The following ACOX1 variants were observed in gnomAD, a reference collection of about 807,000 sequenced individuals.
ACOX1 encodes the protein peroxisomal acyl-coenzyme A oxidase 1.
ACOX1 carries 41 observed loss-of-function variants against 75.5 expected under a neutral mutation model. The observed-to-expected ratio is 0.54, with a 90% CI of 0.42 to 0.70. The LOEUF (loss-of-function observed/expected upper bound fraction) is 0.70, where lower values mean the gene tolerates loss of function less well. ACOX1 is among the 30% of genes least tolerant of loss of function. ACOX1 has a pLI of 0.00. For missense variants in ACOX1, 630 were observed against 837.5 expected (o/e 0.75, Z 3.06); for synonymous variants, 303 against 298.8 (o/e 1.01, Z -0.15).
Position 75,950,197 on chromosome 17 carries a change from C to T in ACOX1, c.1299-300G>A, listed in dbSNP as rs1014497041. Among the ~76,000 whole-genome samples the T allele has an allele frequency of 2.6e-5, 4 of 152,014 alleles. No individual in the cohort carries two copies. The highest frequency in any genetic ancestry group is 9.7e-5 in the African/African-American group (4 of 41,378). ...TTAACTCCTGACCTCAAGTGATCTA[C>T]CCGGCTTGGCGTCCCAAAGTGCTGG... On this transcript the variant is annotated intron_variant, in intron 9 of 13. Coordinates refer to ENST00000293217, the MANE Select transcript of ACOX1 (RefSeq NM_004035.7). The surrounding 1 kb of genome is among the most constrained non-coding windows in gnomAD (Gnocchi z 4.3).
intron 5 of ACOX1, 70 bp downstream of exon 5, chr17:75,955,758 G>C: frequency 6.2e-7 from 1 of 1,612,002 alleles, no homozygotes; most frequent in South Asian, 1.1e-5. Flanking sequence ...CTTCAGTTGG[G>C]CATTCTACCT....
rs2065767268 is a variant in ACOX1, at chr17:75,950,815, G to T, written c.1257C>A (p.Thr419=). The T allele has an allele frequency of 1.9e-6, 3 of 1,613,962 alleles. No individual in the cohort carries two copies. The change falls in exon 9 of 14, where the codon ACC becomes ACA. Residue 419 remains threonine, a synonymous_variant. Transcript: ENST00000293217. The surrounding 1 kb of genome is among the most constrained non-coding windows in gnomAD (Gnocchi z 4.3). ...TCATGACAGTGTTTTCTCCCTCAAAGGTACAGCTTGGGGTGAAATTGACAT... is the reference window on the plus strand; with the variant it reads ...TCATGACAGTGTTTTCTCCCTCAAATGTACAGCTTGGGGTGAAATTGACAT... The part of the protein sequence containing the change: ...NIYVNFTPSC[T]FEGENTVMML...
intron 7 of ACOX1, among the ~76,000 whole-genome samples, chr17:75,952,259 C>CTCATTGTA (rs1269810399): frequency 6.6e-6 from 1 of 152,070 alleles, no homozygotes; most frequent in Admixed American, 6.6e-5. Flanking sequence ...TAGCAAGGGT[C>CTCATTGTA]TCATTGTATC....
At position 75,960,136 on chromosome 17, in the gene ACOX1, T is replaced by C; in HGVS notation, c.430+79A>G. The C allele has an allele frequency of 6.4e-7, 1 of 1,557,248 alleles. No individual in the cohort carries two copies. The highest frequency in any genetic ancestry group is 1.1e-5 in the South Asian group (1 of 89,290). On this transcript the variant is annotated intron_variant, in intron 3 of 13. Coordinates refer to ENST00000293217, the MANE Select transcript of ACOX1 (RefSeq NM_004035.7). This position sits in a 1 kb window ranked among gnomAD's most constrained non-coding sequence, Gnocchi z 4.4. Reference sequence around the variant, plus strand: ...CCATAGAACATCGACACACCATCGATGGCACATGGTGGGCACTCCACACAT... The same window carrying C: ...CCATAGAACATCGACACACCATCGACGGCACATGGTGGGCACTCCACACAT...
chr17:75,947,014 G>A (rs2065726801), intron 13 of ACOX1, among the ~76,000 whole-genome samples: 1 of 151,812 alleles, frequency 6.6e-6, no homozygotes, highest in African/African-American at 2.4e-5. Flanking sequence ...AACTACAGGT[G>A]TGTGCCATGA....
In ACOX1 at chr17:75,955,581, C is replaced by G. The variant is rs764892550; in HGVS notation, c.759G>C (p.Leu253=). 6.2e-7 allele frequency: 1 copy of G among 1,613,918 alleles called. No homozygotes were observed. Among genetic ancestry groups the G allele is most frequent in the Admixed American group, 1.7e-5 (1 of 60,012 alleles). Reference sequence around the variant, plus strand: ...CAAAACATACCTGGGCATACTTCATCAGCATGTTTTCTCTGGGAATACGAT... The same window carrying G: ...CAAAACATACCTGGGCATACTTCATGAGCATGTTTTCTCTGGGAATACGAT... The part of the protein sequence containing the change: ...DNHRIPRENM[L]MKYAQVKPDG... Residue 253 remains leucine, a synonymous_variant, in exon 6 of 14, where the codon CTG becomes CTC. Transcript: ENST00000293217.
intron 2 of ACOX1, among the ~76,000 whole-genome samples, chr17:75,965,446 A>G (rs976942346): frequency 3.9e-5 from 6 of 152,050 alleles, no homozygotes; most frequent in Admixed American, 2.0e-4. Flanking sequence ...CAAGGCTTCA[A>G]TATAAAACTA....
Position 75,951,404 on chromosome 17 carries a change from C to T in ACOX1, c.1107+11G>A. ...AAGGGTGCCCATGAGTGAATGAGACCAAACTCATACCTCAGGCAGTTCACT... is the reference window on the plus strand; with the variant it reads ...AAGGGTGCCCATGAGTGAATGAGACTAAACTCATACCTCAGGCAGTTCACT... On this transcript the variant is annotated intron_variant, in intron 8 of 13. Coordinates refer to ENST00000293217, the MANE Select transcript of ACOX1 (RefSeq NM_004035.7). 6.2e-7 allele frequency: 1 copy of T among 1,613,936 alleles called. No homozygotes were observed. The highest frequency in any genetic ancestry group is 8.5e-7 in the Non-Finnish European group (1 of 1,179,994).
At chr17:75,971,374 T>A (rs1034561531) in intron 2 of ACOX1, among the ~76,000 whole-genome samples, 1 of 151,824 alleles carries the variant, frequency 6.6e-6, no homozygotes, top group African/African-American at 2.4e-5. Context: ...CACAGCCATA[T>A]AGGATCTCTG....
intron 4 of ACOX1, 133 bp from the exon 5 acceptor site, chr17:75,956,080 G>A: frequency 8.4e-7 from 1 of 1,192,292 alleles, no homozygotes; most frequent in Non-Finnish European, 1.2e-6. Context: ...AAGCCTTTCT[G>A]CTGACAGCAT....
chr17:75,957,442 C>G lies in ACOX1; in HGVS notation c.538+17G>C. The G allele has an allele frequency of 1.3e-6, 2 of 1,593,544 alleles. No homozygotes were observed. ...AAACCTTCAAAACATCCAATAAATG[C>G]TGAAAAATTCACTTACGCCCACCAG... On this transcript the variant is annotated intron_variant, in intron 4 of 13. Coordinates refer to ENST00000293217, the MANE Select transcript of ACOX1 (RefSeq NM_004035.7).
At chr17:75,947,343 G>T (rs1183449546) in intron 13 of ACOX1, among the ~76,000 whole-genome samples, 2 of 151,356 alleles carry the variant, frequency 1.3e-5, no homozygotes, top group Non-Finnish European at 2.9e-5. Flanking sequence ...CGCCTCCCAG[G>T]CTCAAGCAAT....
At position 75,946,012 on chromosome 17, in the gene ACOX1, C is replaced by T. The variant is rs2065716889; in HGVS notation, c.*736G>A. The T allele has an allele frequency of 6.6e-6, 1 of 152,662 alleles. No individual in the cohort carries two copies. The highest frequency in any genetic ancestry group is 2.1e-4 in the South Asian group (1 of 4,846). 9.5% of individuals were successfully genotyped at this position (152,662 alleles called of 1,614,324 possible). ...AGTTACACTCTGCACTCCAAAGCTA[C>T]AACAGTGCCACAGCTGAGAGGTTTC... is the stretch of plus-strand genomic sequence containing the variant. On this transcript the variant is annotated 3_prime_UTR_variant, in exon 14 of 14. Coordinates refer to ENST00000293217, the MANE Select transcript of ACOX1 (RefSeq NM_004035.7).
intron 2 of ACOX1, among the ~76,000 whole-genome samples, chr17:75,967,120 A>G (rs893407063): frequency 3.3e-5 from 5 of 151,948 alleles, no homozygotes; most frequent in Non-Finnish European, 5.9e-5. Flanking sequence ...ATTCATTCTC[A>G]CTCTGTATCA....
chr17:75,969,761 T>C (rs554856453), intron 2 of ACOX1, among the ~76,000 whole-genome samples: 4 of 152,270 alleles, frequency 2.6e-5, no homozygotes, highest in Non-Finnish European at 5.9e-5. Flanking sequence ...AGGATAACTA[T>C]GTATCATACA....
chr17:75,951,633 C>G (rs2065775273), intron 7 of ACOX1, 56 bp from the exon 8 acceptor site: 2 of 1,572,590 alleles, frequency 1.3e-6, no homozygotes, highest in Admixed American at 1.7e-5. Context: ...ACAGAACTTT[C>G]TATATGCCAG....
At position 75,978,942 on chromosome 17, in the gene ACOX1, G is replaced by T; in HGVS notation, c.109+23C>A. ...CTCCAGCTTTTCTCGGGAAAGGAGG[G>T]AGGTCTCGCCCGCCGCCCTCACCGA... On this transcript the variant is annotated intron_variant, in intron 1 of 13. Transcript: ENST00000293217. This position sits in a 1 kb window ranked among gnomAD's most constrained non-coding sequence, Gnocchi z 4.2. 1 of 1,608,058 alleles carries T rather than the reference G, an allele frequency of 6.2e-7. No individual in the cohort carries two copies. The highest frequency in any genetic ancestry group is 1.1e-5 in the South Asian group (1 of 91,064).
At chr17:75,963,569 C>A (rs2144281341) in intron 2 of ACOX1, among the ~76,000 whole-genome samples, 1 of 151,920 alleles carries the variant, frequency 6.6e-6, no homozygotes, top group Non-Finnish European at 1.5e-5. Flanking sequence ...TGTGGCAGCG[C>A]CAGCCTCTAA....
At chr17:75,956,945 CTCTCTCTCTCTCTCTCTCTCTCTCTCTA>C (rs1396919893) in intron 4 of ACOX1, among the ~76,000 whole-genome samples, 64 of 34,500 alleles carry the variant, frequency 1.9e-3, no homozygotes, top group African/African-American at 5.6e-3. Context: ...CTCTCTCTCT[CTCTCTCTCTCTCTCTCTCTCTCTCTCTA>C]TATATATATA....
Sources: allele counts gnomAD v4.1 joint callset (sites outside exome capture counted in the v4.1 genomes callset), GRCh38; gene constraint gnomAD v4.1.1; non-coding constraint Gnocchi (gnomAD v3.1); transcripts MANE v1.5; gene names NCBI Gene and HGNC (gene_info 2026-07-23, HGNC 2026-07-21).